The following SYNE2 variants were observed in gnomAD, a reference collection of about 807,000 sequenced individuals.
SYNE2 encodes spectrin repeat containing nuclear envelope protein 2.
Under a neutral mutation model 856.3 loss-of-function variants are expected in SYNE2, and 431 were observed. That is an observed-to-expected ratio of 0.50 (90% CI 0.47 to 0.55). SYNE2 has a LOEUF of 0.55. SYNE2 is among the 20% of genes least tolerant of loss of function. The probability of loss-of-function intolerance (pLI) is 0.00; values close to 1 mark genes in which losing one functional copy is unlikely to be tolerated. For synonymous variants in SYNE2, 2,923 were observed against 2,872.3 expected, an observed-to-expected ratio of 1.02 and a Z score of -0.56; for missense variants, 8,129 against 8,023.2, an observed-to-expected ratio of 1.01 and a Z score of -0.50.
At chr14:64,028,351 G>A (rs1163510839) in intron 43 of SYNE2, among the ~76,000 whole-genome samples, 4 of 151,928 alleles carry the variant, frequency 2.6e-5, no homozygotes, top group Non-Finnish European at 5.9e-5. Context: ...GAACTCCTAG[G>A]CTCAAGCGAT....
chr14:64,150,609 C>T (rs1290880862), intron 84 of SYNE2, among the ~76,000 whole-genome samples: 4 of 152,048 alleles, frequency 2.6e-5, no homozygotes, highest in Non-Finnish European at 5.9e-5. Context: ...TCATTTCTTA[C>T]CAGTTTTCTT....
At chr14:63,922,797 T>C (rs2153381281) in intron 2 of SYNE2, among the ~76,000 whole-genome samples, 1 of 152,340 alleles carries the variant, frequency 6.6e-6, no homozygotes, top group East Asian at 1.9e-4. Flanking sequence ...AAGTGAGATA[T>C]GTGAAGCCCT....
At chr14:64,143,142 C>A (rs1205815808) in intron 82 of SYNE2, among the ~76,000 whole-genome samples, 1 of 152,196 alleles carries the variant, frequency 6.6e-6, no homozygotes. Context: ...CTAGCACATA[C>A]CACATGACTG....
intron 45 of SYNE2, among the ~76,000 whole-genome samples, 197 bp downstream of exon 45, chr14:64,031,554 G>T (rs780549242): frequency 5.9e-5 from 9 of 152,212 alleles, no homozygotes; most frequent in Non-Finnish European, 8.8e-5. Context: ...TTGCTGTTCA[G>T]TCTGTTAAAA....
chr14:64,101,844 C>G, intron 63 of SYNE2, 88 bp from the exon 64 acceptor site: 1 of 914,446 alleles, frequency 1.1e-6, no homozygotes, highest in Non-Finnish European at 1.8e-6. Context: ...TAAGTTGAGT[C>G]TGGTATAAAA....
At chr14:63,968,848 T>G (rs1464170077) in intron 11 of SYNE2, among the ~76,000 whole-genome samples, 1 of 152,230 alleles carries the variant, frequency 6.6e-6, no homozygotes. Flanking sequence ...AACAATCCAG[T>G]TACACTCTTC....
chr14:63,774,001 G>A (rs562257680), intron 1 of SYNE2, among the ~76,000 whole-genome samples: 1 of 152,328 alleles, frequency 6.6e-6, no homozygotes, highest in African/African-American at 2.4e-5. Context: ...ATTTTCAAGT[G>A]TCACTAGAAG....
chr14:64,067,970 G>C (rs1399380964), intron 51 of SYNE2, among the ~76,000 whole-genome samples: 1 of 152,018 alleles, frequency 6.6e-6, no homozygotes, highest in Non-Finnish European at 1.5e-5. Context: ...ATTTGCTTAT[G>C]ATGCAACTAT....
Position 64,167,350 on chromosome 14 carries a change from T to C in SYNE2, c.16723T>C (p.Trp5575Arg). The change falls in exon 91 of 116, where the codon TGG becomes CGG. Residue 5575 changes from tryptophan to arginine, a missense_variant. Coordinates refer to ENST00000555002, the MANE Select transcript of SYNE2 (RefSeq NM_182914.3). Reference protein sequence around the residue: ...VKTLQNMNRQWIRATATALER... With the variant: ...VKTLQNMNRQRIRATATALER... ...GACGTTACAAAATATGAACCGGCAA[T>C]GGATTCGGGCCACGGCCACGGCACT... is the stretch of plus-strand genomic sequence containing the variant. 6.2e-7 allele frequency: 1 copy of C among 1,614,174 alleles called. No homozygotes were observed. The highest frequency in any genetic ancestry group is 1.3e-5 in the African/African-American group (1 of 75,048).
intron 104 of SYNE2, 142 bp downstream of exon 104, chr14:64,212,240 T>C: frequency 7.4e-7 from 1 of 1,345,628 alleles, no homozygotes; most frequent in Admixed American, 1.8e-5. Context: ...ACCTGTGTAC[T>C]ACCAGATTAT....
In SYNE2 at chr14:64,130,218, G is replaced by A. The variant is rs1328058290; in HGVS notation, c.14310G>A (p.Val4770=). The part of the protein sequence containing the change: ...HGHLKQTKSK[V]ALQAQIENHK... The stretch of plus-strand genomic sequence containing the variant: ...ACTTAAAACAAACCAAAAGTAAAGT[G>A]GCGTTACAGGCTCAAATAGAAAATC... The change falls in exon 76 of 116, where the codon GTG becomes GTA. Residue 4770 remains valine, a synonymous_variant. Coordinates refer to ENST00000555002, the MANE Select transcript of SYNE2 (RefSeq NM_182914.3). 6.2e-7 allele frequency: 1 copy of A among 1,613,370 alleles called. No individual in the cohort carries two copies. The highest frequency in any genetic ancestry group is 2.2e-5 in the East Asian group (1 of 44,800).
At chr14:64,160,261 C>G (rs1410894494) in intron 87 of SYNE2, among the ~76,000 whole-genome samples, 1 of 152,188 alleles carries the variant, frequency 6.6e-6, no homozygotes, top group Admixed American at 6.5e-5. Flanking sequence ...TATGGCAGGG[C>G]AGTCTGTTGG....
chr14:63,858,925 T>A (rs1892711265), intron 1 of SYNE2, among the ~76,000 whole-genome samples: 1 of 152,234 alleles, frequency 6.6e-6, no homozygotes, highest in Admixed American at 6.5e-5. Flanking sequence ...AAAAAGGCTT[T>A]CTCCTATGAT....
At chr14:63,861,389 CA>C (rs1184936017) in intron 1 of SYNE2, among the ~76,000 whole-genome samples, 10 of 151,916 alleles carry the variant, frequency 6.6e-5, no homozygotes, top group African/African-American at 2.2e-4. Context: ...GTGATCCGCC[CA>C]CCTCAGCCTC....
intron 34 of SYNE2, among the ~76,000 whole-genome samples, chr14:64,019,267 C>T (rs1444516269): frequency 2.3e-5 from 2 of 88,562 alleles, no homozygotes; most frequent in Non-Finnish European, 5.5e-5. Flanking sequence ...AGGGAGACTC[C>T]GTCTCAAAAA....
At chr14:64,067,128 ACTTT>A (rs1303783183) in intron 51 of SYNE2, among the ~76,000 whole-genome samples, 4 of 152,198 alleles carry the variant, frequency 2.6e-5, no homozygotes, top group Admixed American at 1.3e-4. Context: ...TTCATATAGA[ACTTT>A]CTAATTATTC....
At chr14:64,216,074 G>A in intron 107 of SYNE2, 174 bp from the exon 108 acceptor site, 1 of 1,509,614 alleles carries the variant, frequency 6.6e-7, no homozygotes, top group Non-Finnish European at 8.8e-7. Context: ...GCACAGTGTT[G>A]CTGAGTTGCA....
At chr14:63,914,076 G>C (rs1325905437) in intron 2 of SYNE2, among the ~76,000 whole-genome samples, 1 of 151,954 alleles carries the variant, frequency 6.6e-6, no homozygotes, top group Non-Finnish European at 1.5e-5. Context: ...CTTTCCATTT[G>C]GATTTCTTCC....
intron 96 of SYNE2, among the ~76,000 whole-genome samples, chr14:64,183,509 A>G (rs1191817797): frequency 3.3e-5 from 5 of 151,908 alleles, no homozygotes; most frequent in Non-Finnish European, 5.9e-5. Context: ...CTTCCCAGAC[A>G]GGGTGGCGGC....
Sources: gnomAD v4.1 joint callset for allele counts (sites outside exome capture counted in the v4.1 genomes callset) on GRCh38, gnomAD v4.1.1 for gene constraint, MANE v1.5 for transcripts, NCBI Gene and HGNC (gene_info 2026-07-23, HGNC 2026-07-21) for gene names.